Variants in GMCL2 observed in about 807,000 individuals in gnomAD.
The protein encoded by GMCL2 is germ cell-less protein-like 2.
A neutral mutation model predicts 36.2 loss-of-function variants in GMCL2; 33 were observed. The observed-to-expected ratio is 0.91, with a 90% CI of 0.69 to 1.22. GMCL2 has a LOEUF of 1.22. Ranked by LOEUF, GMCL2 falls within the 50% of genes most tolerant of loss-of-function variation. The pLI is 0.00. For synonymous variants in GMCL2, 172 were observed against 184.3 expected, an observed-to-expected ratio of 0.93 and a Z score of 0.54; for missense variants, 478 against 514.5, an observed-to-expected ratio of 0.93 and a Z score of 0.69.
Position 178,184,579 on chromosome 5 carries a change from A to G in GMCL2, c.*1140T>C, listed in dbSNP as rs1756668142. On this transcript the variant is annotated 3_prime_UTR_variant, in exon 1 of 1. Transcript: ENST00000463439. Reference sequence around the variant, plus strand: ...CCATTTTAAAAGCCAGAATAAAAATATACATTAACCACAGAAGTACTTACT... The same window carrying G: ...CCATTTTAAAAGCCAGAATAAAAATGTACATTAACCACAGAAGTACTTACT... 6.6e-6 allele frequency among the ~76,000 whole-genome samples: 1 copy of G among 152,266 alleles called. No homozygotes were observed. Among genetic ancestry groups the G allele is most frequent in the African/African-American group, 2.4e-5 (1 of 41,482 alleles).
In GMCL2 at chr5:178,187,292, G is replaced by A. The variant is rs1299102929; in HGVS notation, c.8C>T (p.Ser3Leu). 2 of 884,008 alleles carry A rather than the reference G, an allele frequency of 2.3e-6. No individual in the cohort carries two copies. The highest frequency in any genetic ancestry group is 1.5e-5 in the South Asian group (1 of 66,384). The allele number at this position is 884,008 out of a possible 1,614,324, so 54.8% of individuals were successfully genotyped here. Residue 3 changes from serine to leucine, a missense_variant, in exon 1 of 1, where the codon TCG becomes TTG. Around this residue, in one of 5 missense-constraint regions of GMCL2, gnomAD observed 127 missense variants for 86.4 expected, o/e 1.47. Coordinates refer to ENST00000463439, the MANE Select transcript of GMCL2 (RefSeq NM_001358008.2). MGSSSSRVLGQPR... is the reference protein window; with the variant it reads MGLSSSRVLGQPR... The stretch of plus-strand genomic sequence containing the variant: ...CTGGCCCAGCACCCGGCTGCTCGAC[G>A]ATCCCATGGGTCACGGCTCCCCAGG...
Position 178,185,356 on chromosome 5 carries a change from G to A in GMCL2, c.*363C>T, listed in dbSNP as rs12657143. Among the ~76,000 whole-genome samples the A allele has an allele frequency of 0.39, 59,226 of 152,020 alleles. 13,434 individuals are homozygous for A. The highest frequency in any genetic ancestry group is 0.51 in the Non-Finnish European group (34,368 of 67,976). On this transcript the variant is annotated 3_prime_UTR_variant, in exon 1 of 1. Transcript: ENST00000463439. ...GCCAAATAAAAATAAATTTACAGAT[G>A]GATAACTGAGGTCCACTAACATAAG...
In GMCL2 at chr5:178,187,093, C is replaced by A. The variant is rs2961665; in HGVS notation, c.207G>T (p.Glu69Asp). 1.9e-6 allele frequency: 2 copies of A among 1,048,396 alleles called. No homozygotes were observed. Among genetic ancestry groups the A allele is most frequent in the Non-Finnish European group, 2.9e-6 (2 of 686,774 alleles). 64.9% of individuals were successfully genotyped at this position (1,048,396 alleles called of 1,614,324 possible). A position where few individuals can be genotyped will look rare whatever the true frequency, so the allele number is the denominator to read the frequency against. The change falls in exon 1 of 1, where the codon GAG (glutamate) becomes GAT (aspartate). Residue 69 changes from glutamate (E) to aspartate (D), a missense_variant. Glu to Asp is a conservative substitution (Grantham distance 45, BLOSUM62 2). This residue lies in a region of GMCL2 where 127 missense variants were observed against 86.4 expected (regional missense o/e 1.47). Coordinates refer to ENST00000463439, the MANE Select transcript of GMCL2 (RefSeq NM_001358008.2). ...CRYCDPDSHR[E>D]EHEEEGDKQQ... ...GCTTGTCCCCCTCCTCCTCATGCTC[C>A]TCCCTGTGCGAGTCCGGGTCACAGT...
Position 178,186,055 on chromosome 5 carries a change from G to T in GMCL2, c.1245C>A (p.Asn415Lys), listed in dbSNP as rs1348140841. The T allele has an allele frequency of 1.3e-6, 1 of 776,344 alleles. No individual in the cohort carries two copies. Among genetic ancestry groups the T allele is most frequent in the Non-Finnish European group, 2.4e-6 (1 of 417,602 alleles). 48.1% of individuals were successfully genotyped at this position (776,344 alleles called of 1,614,324 possible). Residue 415 changes from asparagine (N) to lysine (K), a missense_variant, in exon 1 of 1, where the codon AAC (asparagine) becomes AAA (lysine). Asn to Lys is a moderately conservative substitution (Grantham distance 94, BLOSUM62 0). Transcript: ENST00000463439. ...GEYYWCWTGF[N>K]FGFDLLVIYT... Reference sequence around the variant, plus strand: ...AAATTACAAGTAGGTCAAAGCCGAAGTTAAAACCCGTCCAACACCAGTAGT... The same window carrying T: ...AAATTACAAGTAGGTCAAAGCCGAATTTAAAACCCGTCCAACACCAGTAGT...
rs1345284249 is a variant in GMCL2 at position 178,185,623 on chromosome 5, T to C, written c.*96A>G. ...CGTACAGTTCATAAGGCCTTTGTCA[T>C]TGTTAGTCAACTTAGATGTGAATAT... On this transcript the variant is annotated 3_prime_UTR_variant, in exon 1 of 1. Transcript: ENST00000463439. 1.9e-6 allele frequency: 1 copy of C among 534,872 alleles called. No homozygotes were observed. Among genetic ancestry groups the C allele is most frequent in the East Asian group, 3.4e-5 (1 of 29,088 alleles). 33.1% of individuals were successfully genotyped at this position (534,872 alleles called of 1,614,324 possible). A position where few individuals can be genotyped will look rare whatever the true frequency, so the allele number is the denominator to read the frequency against.
rs770200971 is a variant in GMCL2, at chr5:178,185,852, T to G, written c.1448A>C (p.Asp483Ala). The G allele has an allele frequency of 1.2e-5, 11 of 906,750 alleles. No homozygotes were observed. The South Asian group carries it at 1.3e-4, about 11-fold the overall frequency. The allele number at this position is 906,750 out of a possible 1,614,324, so 56.2% of individuals were successfully genotyped here. The change falls in exon 1 of 1, where the codon GAT (aspartate) becomes GCT (alanine). Residue 483 changes from aspartate (D) to alanine (A), a missense_variant. Coordinates refer to ENST00000463439, the MANE Select transcript of GMCL2 (RefSeq NM_001358008.2). ...TGYQILILKKDQEQVVMNLDS... is the reference protein window; with the variant it reads ...TGYQILILKKAQEQVVMNLDS... ...CAAGTTCATCACCACTTGTTCCTGA[T>G]CCTTTTTAAGTATAAGTATTTGATA...
rs1209458155 is a variant in GMCL2 at position 178,184,750 on chromosome 5, T to G, written c.*969A>C. ...ATTAATGCGTCATCAGCTTCTATGT[T>G]AGATCCTCTGACCTTATTTACATTT... is the stretch of plus-strand genomic sequence containing the variant. On this transcript the variant is annotated 3_prime_UTR_variant, in exon 1 of 1. Transcript: ENST00000463439. 2.0e-5 allele frequency among the ~76,000 whole-genome samples: 3 copies of G among 152,202 alleles called. No homozygotes were observed. Among genetic ancestry groups the G allele is most frequent in the African/African-American group, 4.8e-5 (2 of 41,452 alleles).
In GMCL2 at chr5:178,186,438, C is replaced by G; in HGVS notation, c.862G>C (p.Val288Leu). Residue 288 changes from valine (V) to leucine (L), a missense_variant, in exon 1 of 1, where the codon GTG becomes CTG. By Grantham distance (32) the Val-to-Leu change is conservative. Transcript: ENST00000463439. ...TTTAAAGATCCATTCCAAGAAGGCA[C>G]AAGTTGAAGGAACATCCACTTTTTT... ...TLKKWMFLQL[V>L]PSWNGSLKQL... The G allele has an allele frequency of 1.9e-6, 3 of 1,609,998 alleles. No individual in the cohort carries two copies. The highest frequency in any genetic ancestry group is 2.6e-6 in the Non-Finnish European group (3 of 1,176,222).
the GMCL2 span, chr5:178,186,476 ACATC>A: frequency 6.7e-7 from 1 of 1,483,302 alleles, no homozygotes; most frequent in Non-Finnish European, 9.4e-7. Flanking sequence ...AGTGGTGTAT[ACATC>A]CATCTCCACT....
At position 178,185,300 on chromosome 5, in the gene GMCL2, G is replaced by A. The variant is rs890736078; in HGVS notation, c.*419C>T. ...CAGCTCAAAAGAGCATTTCTAATTG[G>A]CCATCCAAATTATTCTTTTAGATTA... On this transcript the variant is annotated 3_prime_UTR_variant, in exon 1 of 1. Coordinates refer to ENST00000463439, the MANE Select transcript of GMCL2 (RefSeq NM_001358008.2). 1.3e-5 allele frequency among the ~76,000 whole-genome samples: 2 copies of A among 152,186 alleles called. No individual in the cohort carries two copies. The highest frequency in any genetic ancestry group is 6.5e-5 in the Admixed American group (1 of 15,280).
chr5:178,184,542 T>C lies in GMCL2; in HGVS notation c.*1177A>G, dbSNP rs1021788582. ...CGCATTTATTATTTGCACAGATACA[T>C]ACAAATTATTCCCATTTTAAAAGCC... On this transcript the variant is annotated 3_prime_UTR_variant, in exon 1 of 1. Transcript: ENST00000463439. Among the ~76,000 whole-genome samples the C allele has an allele frequency of 1.1e-4, 16 of 152,186 alleles. No homozygotes were observed. The highest frequency in any genetic ancestry group is 3.1e-4 in the African/African-American group (13 of 41,450).
chr5:178,186,652 A>G lies in GMCL2; in HGVS notation c.648T>C (p.Tyr216=), dbSNP rs780043722. ...ATCCATAGATCTCTACTGATGTGTA[A>G]TAACCGCATACAGTTTTCACATTAA... ...ETINVKTVCG[Y]YTSVEIYGLD... is the part of the protein sequence containing the mutation. The change falls in exon 1 of 1, where the codon TAT becomes TAC. Residue 216 remains tyrosine (Y), a synonymous_variant. Transcript: ENST00000463439. 21 of 1,173,592 alleles carry G rather than the reference A, an allele frequency of 1.8e-5. No individual in the cohort carries two copies. The African/African-American group carries it at 2.0e-4, about 11-fold the overall frequency. The allele number at this position is 1,173,592 out of a possible 1,614,324, so 72.7% of individuals were successfully genotyped here. A position where few individuals can be genotyped will look rare whatever the true frequency, so the allele number is the denominator to read the frequency against.
Position 178,185,364 on chromosome 5 carries a change from G to A in GMCL2, c.*355C>T, listed in dbSNP as rs1376527353. On this transcript the variant is annotated 3_prime_UTR_variant, in exon 1 of 1. Coordinates refer to ENST00000463439, the MANE Select transcript of GMCL2 (RefSeq NM_001358008.2). Reference sequence around the variant, plus strand: ...AAAATAAATTTACAGATGGATAACTGAGGTCCACTAACATAAGGTAGAAAC... The same window carrying A: ...AAAATAAATTTACAGATGGATAACTAAGGTCCACTAACATAAGGTAGAAAC... Among the ~76,000 whole-genome samples the A allele has an allele frequency of 6.6e-6, 1 of 152,176 alleles. No homozygotes were observed. The highest frequency in any genetic ancestry group is 1.5e-5 in the Non-Finnish European group (1 of 68,036).
the GMCL2 span, chr5:178,185,760 CT>C: frequency 1.1e-6 from 1 of 894,886 alleles, no homozygotes; most frequent in Non-Finnish European, 1.9e-6. Flanking sequence ...TTTTCAATTC[CT>C]TTTTCTGGTG....
rs1756681722 is a variant in GMCL2 at position 178,185,607 on chromosome 5, C to G, written c.*112G>C. 1 of 513,736 alleles carries G rather than the reference C, an allele frequency of 1.9e-6. No individual in the cohort carries two copies. Among genetic ancestry groups the G allele is most frequent in the Non-Finnish European group, 3.5e-6 (1 of 282,314 alleles). The allele number at this position is 513,736 out of a possible 1,614,324, so 31.8% of individuals were successfully genotyped here. On this transcript the variant is annotated 3_prime_UTR_variant, in exon 1 of 1. Transcript: ENST00000463439. ...AGTCTTCTGTATTGTCCGTACAGTT[C>G]ATAAGGCCTTTGTCATTGTTAGTCA... is the stretch of plus-strand genomic sequence containing the variant.
rs1756718898 is a variant in GMCL2 at position 178,187,259 on chromosome 5, C to G, written c.41G>C (p.Arg14Pro). ...SSSRVLGQPR[R>P]ALAQQEQGAR... ...ACCCTGTTCCTGCTGGGCAAGGGCT[C>G]GCCTCGGCTGGCCCAGCACCCGGCT... Residue 14 changes from arginine (R) to proline (P), a missense_variant, in exon 1 of 1, where the codon CGA becomes CCA. By Grantham distance (103) the Arg-to-Pro change is moderately radical. This residue lies in a region of GMCL2 where 127 missense variants were observed against 86.4 expected (regional missense o/e 1.47). Transcript: ENST00000463439. 3.1e-6 allele frequency: 3 copies of G among 972,968 alleles called. No homozygotes were observed. The East Asian group carries it at 7.8e-5, about 25-fold the overall frequency. The allele number at this position is 972,968 out of a possible 1,614,324, so 60.3% of individuals were successfully genotyped here.
At chr5:178,185,800 TA>T in the GMCL2 span, 3 of 976,656 alleles carry the variant, frequency 3.1e-6, no homozygotes, top group Non-Finnish European at 5.0e-6. Flanking sequence ...AGCAGATATA[TA>T]AAGGGAAGGT....
rs888858574 is a variant in GMCL2, at chr5:178,186,849, C to G, written c.451G>C (p.Glu151Gln). The G allele has an allele frequency of 5.0e-6, 8 of 1,611,124 alleles. No homozygotes were observed. The highest frequency in any genetic ancestry group is 5.1e-6 in the Non-Finnish European group (6 of 1,177,246). The change falls in exon 1 of 1, where the codon GAG becomes CAG. Residue 151 changes from glutamate (E) to glutamine (Q), a missense_variant. Coordinates refer to ENST00000463439, the MANE Select transcript of GMCL2 (RefSeq NM_001358008.2). Reference sequence around the variant, plus strand: ...ACATCAATGTTCTGGTCAGGAATCTCCAGTTCAATAATATTCATGCTGGAT... The same window carrying G: ...ACATCAATGTTCTGGTCAGGAATCTGCAGTTCAATAATATTCATGCTGGAT... ...KESSMNIIEL[E>Q]IPDQNIDVDA...
In GMCL2 at chr5:178,185,447, T is replaced by C. The variant is rs1663531393; in HGVS notation, c.*272A>G. Among the ~76,000 whole-genome samples the C allele has an allele frequency of 6.6e-6, 1 of 152,264 alleles. No homozygotes were observed. Among genetic ancestry groups the C allele is most frequent in the Non-Finnish European group, 1.5e-5 (1 of 68,046 alleles). ...GTTGCAGATAAATGTGAGATTTACCTACAGTCATTTTCTGCTGATGCTGAA... is the reference window on the plus strand; with the variant it reads ...GTTGCAGATAAATGTGAGATTTACCCACAGTCATTTTCTGCTGATGCTGAA... On this transcript the variant is annotated 3_prime_UTR_variant, in exon 1 of 1. Transcript: ENST00000463439.
Sources: gnomAD v4.1 joint callset for allele counts (sites outside exome capture counted in the v4.1 genomes callset) on GRCh38, gnomAD v4.1.1 for gene constraint, gnomAD v4.1.1 regional missense constraint, MANE v1.5 for transcripts, NCBI Gene and HGNC (gene_info 2026-07-23, HGNC 2026-07-21) for gene names.